Variants in FRMD6 observed in about 807,000 individuals in gnomAD.
FRMD6 encodes the protein FERM domain containing 6, also known as FERM domain-containing protein 6.
Under a neutral mutation model 73.2 loss-of-function variants are expected in FRMD6, and 37 were observed. The observed-to-expected ratio is 0.51, with a 90% CI of 0.39 to 0.66. FRMD6 has a LOEUF of 0.66. FRMD6 is among the 30% of genes least tolerant of loss of function. The pLI is 0.00. For missense variants in FRMD6, 714 were observed against 780.5 expected (o/e 0.91, Z 1.02); for synonymous variants, 273 against 282.2 (o/e 0.97, Z 0.33).
intron 1 of FRMD6, among the ~76,000 whole-genome samples, chr14:51,670,834 A>T (rs1371430444): frequency 6.6e-6 from 1 of 151,854 alleles, no homozygotes; most frequent in Non-Finnish European, 1.5e-5. Context: ...TTTAGTAGAG[A>T]TGGGGTTTCG....
intron 2 of FRMD6, among the ~76,000 whole-genome samples, chr14:51,595,114 G>C (rs549141663): frequency 6.6e-6 from 1 of 152,260 alleles, no homozygotes; most frequent in African/African-American, 2.4e-5. Context: ...AGACCACATG[G>C]ACCAATGAGC....
intron 10 of FRMD6, among the ~76,000 whole-genome samples, chr14:51,718,030 A>G (rs1424560088): frequency 6.6e-6 from 1 of 152,250 alleles, no homozygotes; most frequent in African/African-American, 2.4e-5. Context: ...CAGAGGGAGT[A>G]AAAAGAGCAC....
chr14:51,530,344 C>A (rs1200524214), intron 1 of FRMD6, among the ~76,000 whole-genome samples: 7 of 152,050 alleles, frequency 4.6e-5, no homozygotes, highest in Admixed American at 4.6e-4. Context: ...CTGGCAAATG[C>A]CACAAATCAG....
At chr14:51,560,483 CTTTG>C (rs1566814535) in intron 1 of FRMD6, among the ~76,000 whole-genome samples, 1 of 152,040 alleles carries the variant, frequency 6.6e-6, no homozygotes, top group Non-Finnish European at 1.5e-5. Context: ...ATTGATCCTA[CTTTG>C]TTTGTCTGTT....
intron 1 of FRMD6, among the ~76,000 whole-genome samples, chr14:51,566,636 C>T (rs1295622290): frequency 6.6e-6 from 1 of 152,178 alleles, no homozygotes; most frequent in African/African-American, 2.4e-5. Context: ...ATCCACCATC[C>T]TCGAATATGC....
At chr14:51,621,549 G>C (rs1053244141) in intron 2 of FRMD6, among the ~76,000 whole-genome samples, 2 of 152,140 alleles carry the variant, frequency 1.3e-5, no homozygotes, top group African/African-American at 4.8e-5. Context: ...CGAGAAGATG[G>C]GTGGATCTTC....
At chr14:51,436,943 G>T in the FRMD6 span, 2 of 991,328 alleles carry the variant, frequency 2.0e-6, no homozygotes, top group Non-Finnish European at 3.0e-6. Context: ...GGGAGAGGAG[G>T]ATGAAGGAGA....
intron 1 of FRMD6, among the ~76,000 whole-genome samples, chr14:51,662,435 T>C (rs963163369): frequency 3.9e-5 from 6 of 152,124 alleles, no homozygotes; most frequent in Non-Finnish European, 7.4e-5. Context: ...AGCATGATAC[T>C]GGTACAAAAA....
rs527391252 is a variant in FRMD6, at chr14:51,685,866, T to C, written c.-146-3825T>C. On this transcript the variant is annotated intron_variant, in intron 1 of 13. Coordinates refer to ENST00000344768, the MANE Select transcript of FRMD6 (RefSeq NM_001267046.2). ...TCAGCAAATAAATATTACCGTACTG[T>C]GTGTGTAACACGAGCTGTATAAATG... Among the ~76,000 whole-genome samples the C allele has an allele frequency of 4.6e-5, 7 of 152,338 alleles. No individual in the cohort carries two copies. The South Asian group carries it at 1.4e-3, about 32-fold the overall frequency.
chr14:51,635,761 A>C (rs933525882), intron 2 of FRMD6, among the ~76,000 whole-genome samples: 3 of 152,192 alleles, frequency 2.0e-5, no homozygotes, highest in Non-Finnish European at 2.9e-5. Flanking sequence ...ATTTGTTGGG[A>C]GGTAGAATAA....
chr14:51,634,383 A>C (rs991026135), intron 2 of FRMD6, among the ~76,000 whole-genome samples: 4 of 152,228 alleles, frequency 2.6e-5, no homozygotes, highest in Non-Finnish European at 4.4e-5. Context: ...GGCATGCAAT[A>C]CATGTCTGCG....
At chr14:51,645,520 C>G (rs1486336454) in intron 2 of FRMD6, among the ~76,000 whole-genome samples, 1 of 152,134 alleles carries the variant, frequency 6.6e-6, no homozygotes, top group Non-Finnish European at 1.5e-5. Flanking sequence ...GCCTTGACCT[C>G]CCGGGCTCAA....
At chr14:51,573,013 AC>A (rs1434284231) in intron 2 of FRMD6, among the ~76,000 whole-genome samples, 2 of 152,016 alleles carry the variant, frequency 1.3e-5, no homozygotes, top group Non-Finnish European at 2.9e-5. Context: ...TCCTCACCCT[AC>A]CCCCACACAC....
intron 2 of FRMD6, among the ~76,000 whole-genome samples, chr14:51,572,588 T>C (rs1888188849): frequency 6.6e-6 from 1 of 152,136 alleles, no homozygotes; most frequent in Non-Finnish European, 1.5e-5. Flanking sequence ...TAAACAAGTG[T>C]CCAATAAACA....
the FRMD6 span, among the ~76,000 whole-genome samples, chr14:51,438,189 G>A: frequency 6.6e-6 from 1 of 152,036 alleles, no homozygotes; most frequent in African/African-American, 2.4e-5. Flanking sequence ...ATATTTGACA[G>A]ACATCCTTAC....
chr14:51,436,645 C>A, the FRMD6 span: 2 of 533,148 alleles, frequency 3.8e-6, no homozygotes, highest in Non-Finnish European at 6.9e-6. Context: ...AGTTTTTTAC[C>A]TGGTTTACTG....
chr14:51,604,133 G>A (rs1337344555), intron 2 of FRMD6, among the ~76,000 whole-genome samples: 1 of 152,214 alleles, frequency 6.6e-6, no homozygotes, highest in African/African-American at 2.4e-5. Flanking sequence ...TTGCAATAGT[G>A]AGAGACCGCT....
intron 1 of FRMD6, among the ~76,000 whole-genome samples, chr14:51,673,386 C>T (rs963426075): frequency 2.6e-5 from 4 of 152,094 alleles, no homozygotes; most frequent in Admixed American, 1.3e-4. Context: ...TGTGCTGCCC[C>T]CCAAATTCTA....
chr14:51,472,550 A>G, the FRMD6 span, among the ~76,000 whole-genome samples: 7 of 152,156 alleles, frequency 4.6e-5, no homozygotes, highest in East Asian at 1.2e-3. Context: ...TGATCTGCCC[A>G]CCTCAGCCTC....
Sources: gnomAD v4.1 joint callset for allele counts (sites outside exome capture counted in the v4.1 genomes callset) on GRCh38, gnomAD v4.1.1 for gene constraint, MANE v1.5 for transcripts, NCBI Gene and HGNC (gene_info 2026-07-23, HGNC 2026-07-21) for gene names.